The following GFI1B variants were observed in gnomAD, a reference collection of about 807,000 sequenced individuals.
GFI1B encodes the protein zinc finger protein Gfi-1b.
GFI1B carries 20 observed loss-of-function variants against 35.3 expected under a neutral mutation model. The ratio of observed to expected loss-of-function variants is 0.57; its 90% CI spans 0.40 to 0.82. The LOEUF (loss-of-function observed/expected upper bound fraction) is 0.82. Among genes scored for constraint, GFI1B ranks in the 40% least tolerant of loss-of-function variants. The pLI, the probability that GFI1B is intolerant of heterozygous loss-of-function variation, is 0.00. For missense variants in GFI1B, 430 were observed against 446.3 expected, an observed-to-expected ratio of 0.96 and a Z score of 0.33; for synonymous variants, 178 against 177.6, an observed-to-expected ratio of 1.00 and a Z score of -0.02.
At chr9:132,955,084 C>T (rs1360509066) in intron 1 of GFI1B, among the ~76,000 whole-genome samples, 1 of 152,168 alleles carries the variant, frequency 6.6e-6, no homozygotes, top group East Asian at 1.9e-4. Flanking sequence ...TTTACCATTG[C>T]TGGCATTCTT....
At chr9:132,969,027 ATTTGT>A (rs529346231) in intron 1 of GFI1B, among the ~76,000 whole-genome samples, 1,630 of 151,082 alleles carry the variant, frequency 0.011, 26 homozygotes, top group African/African-American at 0.038. Flanking sequence ...TGTCTCTATG[ATTTGT>A]TTTATGTTTT....
intron 1 of GFI1B, among the ~76,000 whole-genome samples, chr9:132,963,081 C>CAAAAAAA: frequency 2.1e-5 from 1 of 47,966 alleles, no homozygotes; most frequent in Non-Finnish European, 4.0e-5. Context: ...GACTCCATCT[C>CAAAAAAA]AAAAAAAAAA....
intron 1 of GFI1B, chr9:132,962,477 C>T (rs1848382201): frequency 2.1e-6 from 1 of 466,060 alleles, no homozygotes; most frequent in Non-Finnish European, 4.3e-6. Flanking sequence ...CCCTTCTCTG[C>T]TATCGTGGTG....
chr9:132,950,535 G>C (rs1490117998), intron 1 of GFI1B, among the ~76,000 whole-genome samples: 2 of 145,012 alleles, frequency 1.4e-5, no homozygotes, highest in African/African-American at 5.2e-5. Flanking sequence ...GGTGGCTCAC[G>C]CCTGTAATCC....
chr9:132,989,584 C>T lies in GFI1B; in HGVS notation c.649-158C>T, dbSNP rs754619329. The T allele has an allele frequency of 6.5e-6, 4 of 619,378 alleles. No homozygotes were observed. Among genetic ancestry groups the T allele is most frequent in the Non-Finnish European group, 1.1e-5 (4 of 349,002 alleles). The allele number at this position is 619,378 out of a possible 1,614,324, so 38.4% of individuals were successfully genotyped here. A position where few individuals can be genotyped will look rare whatever the true frequency, so the allele number is the denominator to read the frequency against. Reference sequence around the variant, plus strand: ...AAAATCCCACAGGAGACCAATGAGACTCCAAGCCCCAGTTTCACCTCAGAG... The same window carrying T: ...AAAATCCCACAGGAGACCAATGAGATTCCAAGCCCCAGTTTCACCTCAGAG... On this transcript the variant is annotated intron_variant, in intron 5 of 6. Transcript: ENST00000372122. The surrounding 1 kb of genome is among the most constrained non-coding windows in gnomAD (Gnocchi z 6.2).
At chr9:132,990,591 T>C (rs903531580) in intron 6 of GFI1B, among the ~76,000 whole-genome samples, 3 of 152,254 alleles carry the variant, frequency 2.0e-5, no homozygotes, top group Non-Finnish European at 4.4e-5. Context: ...TGAGTGCCTC[T>C]TTTGTGCCAG....
chr9:132,974,730 G>T (rs1037714279), upstream of GFI1B, among the ~76,000 whole-genome samples: 3 of 152,068 alleles, frequency 2.0e-5, no homozygotes, highest in African/African-American at 7.2e-5. Flanking sequence ...TTAGTTGAAG[G>T]TCAAGGAGGT....
chr9:132,958,173 A>G (rs1169762866), intron 1 of GFI1B, among the ~76,000 whole-genome samples: 1 of 152,078 alleles, frequency 6.6e-6, no homozygotes, highest in African/African-American at 2.4e-5. Flanking sequence ...GCCAGAAGGC[A>G]GGGAGGGGCT....
At position 132,991,060 on chromosome 9, in the gene GFI1B, G is replaced by A. The variant is rs375077011; in HGVS notation, c.*10G>A. Reference sequence around the variant, plus strand: ...GCACAATCTCAAGTGAGGCTGCGCCGGCTCCCAGCTCCTGGCCAGCCTGCC... The same window carrying A: ...GCACAATCTCAAGTGAGGCTGCGCCAGCTCCCAGCTCCTGGCCAGCCTGCC... On this transcript the variant is annotated 3_prime_UTR_variant, in exon 7 of 7. Coordinates refer to ENST00000372122, the MANE Select transcript of GFI1B (RefSeq NM_001377304.1). The A allele has an allele frequency of 5.0e-6, 8 of 1,611,510 alleles. No individual in the cohort carries two copies. The African/African-American group carries it at 5.3e-5, about 11-fold the overall frequency.
intron 1 of GFI1B, among the ~76,000 whole-genome samples, chr9:132,949,324 T>C (rs1588402332): frequency 7.2e-6 from 1 of 137,958 alleles, no homozygotes; most frequent in Non-Finnish European, 1.6e-5. Context: ...AACCCACAGA[T>C]ACACACACAC....
rs966999283 is a variant in GFI1B at position 132,967,197 on chromosome 9, G to A, written c.-700-5528G>A. ...CTCCATGGAGTAATGCAGCACAAAA[G>A]CCCTCACCAGATGTGGCCCCTCAAT... On this transcript the variant is annotated intron_variant, in intron 1 of 10. Transcript: ENST00000339463. Among the ~76,000 whole-genome samples, 9 of 152,298 alleles carry A rather than the reference G, an allele frequency of 5.9e-5. No individual in the cohort carries two copies. In the East Asian group the frequency reaches 1.7e-3, roughly 29 times the overall value.
At chr9:132,973,688 A>C (rs34823491) in intron 2 of GFI1B, among the ~76,000 whole-genome samples, 12,568 of 152,230 alleles carry the variant, frequency 0.083, 576 homozygotes, top group Admixed American at 0.11. Context: ...ATTCCAGACA[A>C]GGGGAACAGG....
At position 132,972,017 on chromosome 9, in the gene GFI1B, G is replaced by A. The variant is rs190343605; in HGVS notation, c.-700-708G>A. ...GGGTTGGGTGTGGTGGCTCACGCCT[G>A]TAATCCCAGCACTTTGGGAGGCCGA... On this transcript the variant is annotated intron_variant, in intron 1 of 10. Coordinates refer to the GFI1B transcript ENST00000339463. Among the ~76,000 whole-genome samples the A allele has an allele frequency of 4.4e-3, 662 of 150,966 alleles. 2 individuals are homozygous for A. Among genetic ancestry groups the A allele is most frequent in the African/African-American group, 0.015 (627 of 41,070 alleles).
chr9:132,983,188 TC>T (rs1450297550), intron 1 of GFI1B, among the ~76,000 whole-genome samples: 2 of 114,818 alleles, frequency 1.7e-5, no homozygotes, highest in African/African-American at 6.8e-5. Flanking sequence ...TTTTTCTCCC[TC>T]CTTTTTTTTT....
chr9:132,968,998 CA>C (rs1452590028), intron 1 of GFI1B, among the ~76,000 whole-genome samples: 1 of 152,038 alleles, frequency 6.6e-6, no homozygotes, highest in Non-Finnish European at 1.5e-5. Flanking sequence ...CAACCCCTGG[CA>C]ACCACCATTC....
At chr9:132,964,196 C>T (rs934533961) in intron 1 of GFI1B, among the ~76,000 whole-genome samples, 24 of 152,120 alleles carry the variant, frequency 1.6e-4, no homozygotes, top group African/African-American at 5.3e-4. Flanking sequence ...GCCGAGACCA[C>T]GCCATTGCAC....
intron 1 of GFI1B, among the ~76,000 whole-genome samples, chr9:132,968,086 T>TTTTATTTATTTATTTA (rs34989096): frequency 2.5e-4 from 34 of 137,898 alleles, no homozygotes; most frequent in African/African-American, 3.8e-4. Flanking sequence ...CCAGCCATTC[T>TTTTATTTATTTATTTA]TTTATTTATT....
At chr9:132,976,803 G>A (rs1015870321), upstream of GFI1B, among the ~76,000 whole-genome samples, 1 of 151,980 alleles carries the variant, frequency 6.6e-6, no homozygotes, top group Non-Finnish European at 1.5e-5. Flanking sequence ...AATTAACCAG[G>A]CATGGTGGTG....
At chr9:132,984,473 C>G (rs755753977) in intron 1 of GFI1B, among the ~76,000 whole-genome samples, 3 of 152,294 alleles carry the variant, frequency 2.0e-5, no homozygotes, top group Non-Finnish European at 4.4e-5. Context: ...GGTCCTTTCT[C>G]CTAATTTTAG....
Sources: gnomAD v4.1 joint callset for allele counts (sites outside exome capture counted in the v4.1 genomes callset) on GRCh38, gnomAD v4.1.1 for gene constraint, Gnocchi (gnomAD v3.1) non-coding constraint, MANE v1.5 for transcripts, NCBI Gene and HGNC (gene_info 2026-07-23, HGNC 2026-07-21) for gene names.